NLGN1: variants seen among roughly 807,000 people sequenced by gnomAD.
The protein encoded by NLGN1 is neuroligin 1, also known as neuroligin-1.
NLGN1 carries 12 observed loss-of-function variants against 65.5 expected under a neutral mutation model. The ratio of observed to expected loss-of-function variants is 0.18; its 90% CI spans 0.12 to 0.30. The LOEUF (loss-of-function observed/expected upper bound fraction) is 0.30, where lower values mean the gene tolerates loss of function less well. Ranked by LOEUF, NLGN1 falls within the 10% of genes least tolerant of loss-of-function variation. The probability of loss-of-function intolerance (pLI) is 1.00; values close to 1 mark genes in which losing one functional copy is unlikely to be tolerated. For synonymous variants in NLGN1, 350 were observed against 359.5 expected, an observed-to-expected ratio of 0.97 and a Z score of 0.30; for missense variants, 750 against 1,007.1, an observed-to-expected ratio of 0.74 and a Z score of 3.46.
rs1713651073 is a variant in NLGN1, at chr3:173,415,919, G to GAGAGGGAGA, written c.-390+17432_-390+17433insAGAGGGAGA. On this transcript the variant is annotated intron_variant, in intron 1 of 6. Coordinates refer to ENST00000457714, the Ensembl canonical transcript of NLGN1. ...TATATATATATAGAGAGAGAGAGAG[G>GAGAGGGAGA]GAGAGAGAGAGAGAGAGAGAGAGAG... 8.6e-3 allele frequency among the ~76,000 whole-genome samples: 1,071 copies of GAGAGGGAGA among 125,112 alleles called. 15 individuals carry two copies. The highest frequency in any genetic ancestry group is 0.033 in the African/African-American group (1,007 of 30,228). 82.1% of individuals were successfully genotyped at this position (125,112 alleles called of 152,430 possible).
Position 173,683,998 on chromosome 3 carries a change from A to G in NLGN1, c.493+78907A>G, listed in dbSNP as rs185016613. 9.8e-5 allele frequency among the ~76,000 whole-genome samples: 15 copies of G among 152,292 alleles called. No homozygotes were observed. In the East Asian group the frequency reaches 2.5e-3, roughly 26 times the overall value. Reference sequence around the variant, plus strand: ...TAAACAAATCATATATCATTATATGATTATGATTTACATAGTAAACAATTT... The same window carrying G: ...TAAACAAATCATATATCATTATATGGTTATGATTTACATAGTAAACAATTT... On this transcript the variant is annotated intron_variant, in intron 3 of 6. Transcript: ENST00000457714.
intron 4 of NLGN1, among the ~76,000 whole-genome samples, chr3:174,266,161 G>A (rs192952808): frequency 6.6e-6 from 1 of 151,804 alleles, no homozygotes; most frequent in East Asian, 1.9e-4. Context: ...TGTGAGCAAG[G>A]TAATGAACAT....
At chr3:174,047,201 C>G (rs561974024) in intron 4 of NLGN1, among the ~76,000 whole-genome samples, 10 of 151,690 alleles carry the variant, frequency 6.6e-5, no homozygotes, top group Non-Finnish European at 1.0e-4. Flanking sequence ...CATAATTCAC[C>G]ATAATTTTAT....
chr3:173,873,929 C>G (rs557230676), intron 4 of NLGN1, among the ~76,000 whole-genome samples: 34 of 152,152 alleles, frequency 2.2e-4, no homozygotes, highest in African/African-American at 8.0e-4. Flanking sequence ...AGGCTCTAAT[C>G]CCATATGACT....
intron 1 of NLGN1, among the ~76,000 whole-genome samples, chr3:173,433,055 G>T (rs1445594189): frequency 6.6e-6 from 1 of 152,120 alleles, no homozygotes; most frequent in Non-Finnish European, 1.5e-5. Flanking sequence ...ACACCACAGA[G>T]AGTTTTCTCC....
chr3:173,675,887 T>TCTCTCACACACACACA (rs756157881), intron 3 of NLGN1, among the ~76,000 whole-genome samples: 47 of 138,636 alleles, frequency 3.4e-4, no homozygotes, highest in East Asian at 8.1e-4. Context: ...TCTCTCTCTC[T>TCTCTCACACACACACA]CACACACACA....
intron 4 of NLGN1, among the ~76,000 whole-genome samples, chr3:174,102,480 G>T (rs1308759597): frequency 6.6e-6 from 1 of 152,096 alleles, no homozygotes; most frequent in Non-Finnish European, 1.5e-5. Flanking sequence ...TGGCTTGTCA[G>T]CAGATAACAC....
chr3:173,428,229 A>G (rs1716514311), intron 1 of NLGN1, among the ~76,000 whole-genome samples: 1 of 151,712 alleles, frequency 6.6e-6, no homozygotes, highest in South Asian at 2.1e-4. Context: ...TAGGCAGCAT[A>G]TGATTGGGTC....
chr3:174,049,202 T>C (rs1390201743), intron 4 of NLGN1, among the ~76,000 whole-genome samples: 1 of 152,116 alleles, frequency 6.6e-6, no homozygotes, highest in African/African-American at 2.4e-5. Flanking sequence ...CTAGTAACTA[T>C]GTTGGTCACA....
intron 4 of NLGN1, among the ~76,000 whole-genome samples, chr3:173,991,875 C>T (rs1193588238): frequency 1.2e-4 from 19 of 152,030 alleles, no homozygotes; most frequent in Admixed American, 1.1e-3. Flanking sequence ...TGCAATGGCG[C>T]GATCTTGGCT....
chr3:173,690,964 T>C (rs953858001), intron 3 of NLGN1, among the ~76,000 whole-genome samples: 1 of 152,090 alleles, frequency 6.6e-6, no homozygotes, highest in African/African-American at 2.4e-5. Context: ...ATTGCAGAAG[T>C]TGTAGAAGGG....
chr3:173,481,732 G>C (rs1727323191), intron 2 of NLGN1, among the ~76,000 whole-genome samples: 1 of 151,526 alleles, frequency 6.6e-6, no homozygotes, highest in Non-Finnish European at 1.5e-5. Flanking sequence ...TAAATCATAT[G>C]GTTTTTAAGG....
chr3:174,167,632 T>G (rs1251244507), intron 4 of NLGN1, among the ~76,000 whole-genome samples: 7 of 151,186 alleles, frequency 4.6e-5, no homozygotes, highest in Non-Finnish European at 8.8e-5. Flanking sequence ...CTTAAGATTT[T>G]TTTTTTTCTT....
Position 173,803,323 on chromosome 3 carries a change from T to G in NLGN1, c.494-4357T>G, listed in dbSNP as rs186675561. Among the ~76,000 whole-genome samples the G allele has an allele frequency of 4.6e-3, 693 of 152,222 alleles. 4 individuals carry two copies. The highest frequency in any genetic ancestry group is 0.01 in the Middle Eastern group (3 of 292). On this transcript the variant is annotated intron_variant, in intron 3 of 6. Coordinates refer to ENST00000457714, the Ensembl canonical transcript of NLGN1. ...TGCTAATAATGCCTTCATATTAACA[T>G]TTCAATATTTACCCTGGGTGTGGTG... is the stretch of plus-strand genomic sequence containing the variant.
chr3:174,227,134 T>C (rs1319456838), intron 4 of NLGN1, among the ~76,000 whole-genome samples: 1 of 152,146 alleles, frequency 6.6e-6, no homozygotes, highest in Admixed American at 6.5e-5. Context: ...GAGAAATCAT[T>C]GTACTTAACC....
intron 2 of NLGN1, among the ~76,000 whole-genome samples, chr3:173,485,198 T>TG (rs1231781829): frequency 6.7e-6 from 1 of 149,754 alleles, no homozygotes; most frequent in East Asian, 2.0e-4. Flanking sequence ...CAGAACAGCC[T>TG]GGGAAAGACC....
chr3:173,656,579 C>T (rs532299578), intron 3 of NLGN1, among the ~76,000 whole-genome samples: 23 of 152,176 alleles, frequency 1.5e-4, no homozygotes, highest in East Asian at 3.9e-4. Flanking sequence ...ACCCAGCTAA[C>T]GTGGTCCAGA....
chr3:174,250,950 T>C (rs1451015450), intron 4 of NLGN1, among the ~76,000 whole-genome samples: 2 of 152,120 alleles, frequency 1.3e-5, no homozygotes, highest in Non-Finnish European at 2.9e-5. Flanking sequence ...CTACACCAGC[T>C]TAGCCTAATA....
intron 4 of NLGN1, among the ~76,000 whole-genome samples, chr3:173,866,642 C>T (rs879838574): frequency 3.9e-5 from 6 of 152,090 alleles, no homozygotes; most frequent in Non-Finnish European, 5.9e-5. Flanking sequence ...GAAACCTCAG[C>T]GGCATTCAAT....
Sources: allele counts gnomAD v4.1 joint callset (sites outside exome capture counted in the v4.1 genomes callset), GRCh38; gene constraint gnomAD v4.1.1; transcripts MANE v1.5; gene names NCBI Gene and HGNC (gene_info 2026-07-23, HGNC 2026-07-21).